PCDHGA3: variants seen among roughly 807,000 people sequenced by gnomAD.
PCDHGA3 encodes protocadherin gamma-A3.
A neutral mutation model predicts 58.5 loss-of-function variants in PCDHGA3; 40 were observed. That is an observed-to-expected ratio of 0.68 (90% CI 0.53 to 0.89). The LOEUF is 0.89. Ranked by LOEUF, PCDHGA3 falls within the 40% of genes least tolerant of loss-of-function variation. The pLI is 0.00. For synonymous variants in PCDHGA3, 530 were observed against 525.7 expected, an observed-to-expected ratio of 1.01 and a Z score of -0.11; for missense variants, 1,223 against 1,195.9, an observed-to-expected ratio of 1.02 and a Z score of -0.33.
rs1048686904 is a variant in PCDHGA3, at chr5:141,410,286, C to T, written c.2424+63829C>T. 3.7e-6 allele frequency: 6 copies of T among 1,613,916 alleles called. No homozygotes were observed. The African/African-American group carries it at 6.7e-5, about 18-fold the overall frequency. On this transcript the variant is annotated intron_variant, in intron 1 of 3. Transcript: ENST00000253812. Reference sequence around the variant, plus strand: ...GAACTGCAGTTTTACCTGGTGGTGGCCTTGGCCTTAATCTCAGTGCTCTTC... The same window carrying T: ...GAACTGCAGTTTTACCTGGTGGTGGTCTTGGCCTTAATCTCAGTGCTCTTC...
At chr5:141,410,662 C>T (rs770245568) in intron 1 of PCDHGA3, 1 of 1,572,090 alleles carries the variant, frequency 6.4e-7, no homozygotes, top group Admixed American at 1.9e-5. Context: ...TAATAGTCTA[C>T]TAGTTTCTCA....
intron 1 of PCDHGA3, chr5:141,371,697 A>T (rs1002155350): frequency 6.2e-7 from 1 of 1,613,958 alleles, no homozygotes; most frequent in African/African-American, 1.3e-5. Context: ...GCTCTCCTCC[A>T]GCAAGACCAT....
intron 1 of PCDHGA3, chr5:141,418,919 G>C: frequency 6.2e-7 from 1 of 1,614,016 alleles, no homozygotes. Flanking sequence ...GTCACTCTCT[G>C]ATCAGATTAT....
chr5:141,455,593 C>G (rs957677108), intron 1 of PCDHGA3, among the ~76,000 whole-genome samples: 19 of 152,068 alleles, frequency 1.2e-4, no homozygotes, highest in African/African-American at 4.6e-4. Context: ...AATATGCAAA[C>G]GTAGGGCGCC....
chr5:141,445,120 AT>A (rs1287463110), intron 1 of PCDHGA3, among the ~76,000 whole-genome samples: 1 of 152,228 alleles, frequency 6.6e-6, no homozygotes, highest in African/African-American at 2.4e-5. Flanking sequence ...TGTAAATAGT[AT>A]TTTTAAAATT....
chr5:141,501,327 AC>A (rs1208116606), intron 2 of PCDHGA3, among the ~76,000 whole-genome samples: 2 of 151,364 alleles, frequency 1.3e-5, no homozygotes, highest in Non-Finnish European at 2.9e-5. Context: ...ACACACACAC[AC>A]ACACACCCCA....
At position 141,490,208 on chromosome 5, in the gene PCDHGA3, G is replaced by A. The variant is rs745796427; in HGVS notation, c.2425-4599G>A. On this transcript the variant is annotated intron_variant, in intron 1 of 3. Coordinates refer to ENST00000253812, the MANE Select transcript of PCDHGA3 (RefSeq NM_018916.4). The surrounding 1 kb of genome is among the most constrained non-coding windows in gnomAD (Gnocchi z 5.4). ...TTCTATGAAATTCATGCAAGAGCCC[G>A]TGACCAGGGACAGCCTGCCATGGAG... 44 of 1,614,120 alleles carry A rather than the reference G, an allele frequency of 2.7e-5. No individual in the cohort carries two copies. The Admixed American group carries it at 4.5e-4, about 17-fold the overall frequency.
At chr5:141,429,613 G>A (rs1374650357) in intron 1 of PCDHGA3, among the ~76,000 whole-genome samples, 2 of 152,084 alleles carry the variant, frequency 1.3e-5, no homozygotes, top group African/African-American at 2.4e-5. Flanking sequence ...TCAATTTTAT[G>A]TCTGATATTT....
chr5:141,366,476 C>T (rs760870646), intron 1 of PCDHGA3: 41 of 1,614,144 alleles, frequency 2.5e-5, no homozygotes, highest in Non-Finnish European at 3.1e-5. Flanking sequence ...GGTGCTCAGA[C>T]TGAGGCGCTG....
In PCDHGA3 at chr5:141,489,153, G is replaced by C; in HGVS notation, c.2425-5654G>C. Reference sequence around the variant, plus strand: ...TTTAAGAGGCTGGAAGGAGACATAAGAGACTTCAGCTGCTGCATTCCAAGC... The same window carrying C: ...TTTAAGAGGCTGGAAGGAGACATAACAGACTTCAGCTGCTGCATTCCAAGC... On this transcript the variant is annotated intron_variant, in intron 1 of 3. Coordinates refer to ENST00000253812, the MANE Select transcript of PCDHGA3 (RefSeq NM_018916.4). This position sits in a 1 kb window ranked among gnomAD's most constrained non-coding sequence, Gnocchi z 4.5. 1 of 935,832 alleles carries C rather than the reference G, an allele frequency of 1.1e-6. No individual in the cohort carries two copies. Among genetic ancestry groups the C allele is most frequent in the Non-Finnish European group, 1.6e-6 (1 of 627,178 alleles). The allele number at this position is 935,832 out of a possible 1,614,324, so 58.0% of individuals were successfully genotyped here.
intron 1 of PCDHGA3, chr5:141,384,783 G>C (rs768506502): frequency 1.4e-5 from 22 of 1,613,560 alleles, no homozygotes; most frequent in East Asian, 2.2e-5. Context: ...AGGTGCGCAC[G>C]GCTCGGGCCC....
intron 1 of PCDHGA3, among the ~76,000 whole-genome samples, chr5:141,455,967 A>T (rs965245893): frequency 2.7e-5 from 4 of 150,838 alleles, no homozygotes; most frequent in Non-Finnish European, 4.4e-5. Flanking sequence ...GCGCGATCTC[A>T]GCTCACTGCA....
At chr5:141,497,595 A>C (rs973413640) in intron 2 of PCDHGA3, among the ~76,000 whole-genome samples, 1 of 147,414 alleles carries the variant, frequency 6.8e-6, no homozygotes, top group East Asian at 2.0e-4. Context: ...GCTGGAGTGC[A>C]GTGGTGCGAT....
At chr5:141,351,295 C>A in intron 1 of PCDHGA3, 3 of 1,613,808 alleles carry the variant, frequency 1.9e-6, no homozygotes, top group South Asian at 1.1e-5. Context: ...AGGTGACATT[C>A]ATGTCCTTCT....
At chr5:141,419,014 C>A (rs1332175722) in intron 1 of PCDHGA3, 1 of 1,613,780 alleles carries the variant, frequency 6.2e-7, no homozygotes, top group Non-Finnish European at 8.5e-7. Flanking sequence ...TCAGGTGTAG[C>A]TTAAGTAGAG....
chr5:141,491,802 G>A lies in PCDHGA3; in HGVS notation c.2425-3005G>A. 6.7e-7 allele frequency: 1 copy of A among 1,497,480 alleles called. No homozygotes were observed. Among genetic ancestry groups the A allele is most frequent in the East Asian group, 2.5e-5 (1 of 40,518 alleles). The allele number at this position is 1,497,480 out of a possible 1,614,324, so 92.8% of individuals were successfully genotyped here. ...ACTTGCATCCACTCCTCTCCGGCCG[G>A]CTTGGTCGCTGGCTGCGCTCCACCC... On this transcript the variant is annotated intron_variant, in intron 1 of 3. Coordinates refer to ENST00000253812, the MANE Select transcript of PCDHGA3 (RefSeq NM_018916.4). The surrounding 1 kb of genome is among the most constrained non-coding windows in gnomAD (Gnocchi z 6.9).
intron 2 of PCDHGA3, among the ~76,000 whole-genome samples, chr5:141,500,587 C>T (rs1418158417): frequency 6.6e-5 from 10 of 152,170 alleles, no homozygotes; most frequent in South Asian, 2.1e-4. Flanking sequence ...ACACTTTATT[C>T]ACATATTAAG....
chr5:141,433,837 C>CAAA lies in PCDHGA3; in HGVS notation c.2425-60954_2425-60952dup, dbSNP rs56191208. The stretch of plus-strand genomic sequence containing the variant: ...GGGCAACAAGAGTGAAACTCTATCT[C>CAAA]AAAAAAAAAAAAAAAAAACTTTATC... On this transcript the variant is annotated intron_variant, in intron 1 of 3. Transcript: ENST00000253812. 4.3e-3 allele frequency among the ~76,000 whole-genome samples: 475 copies of CAAA among 111,672 alleles called. 6 individuals carry two copies. The highest frequency in any genetic ancestry group is 0.013 in the African/African-American group (431 of 32,292). The allele number at this position is 111,672 out of a possible 152,430, so 73.3% of individuals were successfully genotyped here.
At position 141,487,760 on chromosome 5, in the gene PCDHGA3, G is replaced by T; in HGVS notation, c.2425-7047G>T. On this transcript the variant is annotated intron_variant, in intron 1 of 3. Transcript: ENST00000253812. The surrounding 1 kb of genome is among the most constrained non-coding windows in gnomAD (Gnocchi z 5.0). Reference sequence around the variant, plus strand: ...TGTAAGAGGTAACTATGTGGTAGACGCTGTGCTTTGTAACTGTTTCGTGAA... The same window carrying T: ...TGTAAGAGGTAACTATGTGGTAGACTCTGTGCTTTGTAACTGTTTCGTGAA... 1 of 1,545,950 alleles carries T rather than the reference G, an allele frequency of 6.5e-7. No individual in the cohort carries two copies. The highest frequency in any genetic ancestry group is 1.4e-5 in the African/African-American group (1 of 73,162).
Sources: allele counts gnomAD v4.1 joint callset (sites outside exome capture counted in the v4.1 genomes callset), GRCh38; gene constraint gnomAD v4.1.1; non-coding constraint Gnocchi (gnomAD v3.1); transcripts MANE v1.5; gene names NCBI Gene and HGNC (gene_info 2026-07-23, HGNC 2026-07-21).